Variants in PPP1R9A observed in about 807,000 individuals in gnomAD.
PPP1R9A encodes neurabin-1.
PPP1R9A carries 59 observed loss-of-function variants against 141.9 expected under a neutral mutation model. The observed-to-expected ratio is 0.42, with a 90% confidence interval of 0.34 to 0.52. The LOEUF is 0.52. PPP1R9A is among the 20% of genes least tolerant of loss of function. The pLI, the probability that PPP1R9A is intolerant of heterozygous loss-of-function variation, is 0.10. For synonymous variants in PPP1R9A, 500 were observed against 569.7 expected (o/e 0.88, Z 1.74); for missense variants, 1,444 against 1,611.9 (o/e 0.90, Z 1.78).
chr7:94,984,143 G>T (rs1327348097), intron 2 of PPP1R9A, among the ~76,000 whole-genome samples: 1 of 152,060 alleles, frequency 6.6e-6, no homozygotes, highest in Non-Finnish European at 1.5e-5. Context: ...TTATTGATTT[G>T]CGTATGTTGA....
intron 5 of PPP1R9A, among the ~76,000 whole-genome samples, chr7:95,189,732 G>A (rs150727153): frequency 0.013 from 1,951 of 152,066 alleles, 46 homozygotes; most frequent in African/African-American, 0.044. Context: ...CACCGCGCCC[G>A]GCCGGGTTTG....
At chr7:94,945,129 A>G (rs149620444) in intron 2 of PPP1R9A, among the ~76,000 whole-genome samples, 152 of 152,156 alleles carry the variant, frequency 1.0e-3, no homozygotes, top group Non-Finnish European at 1.9e-3. Context: ...TGATATATTC[A>G]TATATATGTA....
At chr7:95,120,124 CT>C (rs1410833535) in intron 3 of PPP1R9A, among the ~76,000 whole-genome samples, 2 of 151,448 alleles carry the variant, frequency 1.3e-5, no homozygotes, top group African/African-American at 4.8e-5. Context: ...ACCCGGCTAA[CT>C]TTTTGTATTT....
intron 4 of PPP1R9A, among the ~76,000 whole-genome samples, chr7:95,148,324 AAG>A (rs533385787): frequency 6.0e-4 from 92 of 152,290 alleles, no homozygotes; most frequent in African/African-American, 2.1e-3. Flanking sequence ...CTAAGAAAAA[AAG>A]AGAGATGACA....
intron 16 of PPP1R9A, among the ~76,000 whole-genome samples, chr7:95,275,460 T>C (rs1802994047): frequency 6.6e-6 from 1 of 151,776 alleles, no homozygotes; most frequent in South Asian, 2.1e-4. Flanking sequence ...ACTTTATTGA[T>C]GAAGAACTTT....
Position 95,042,512 on chromosome 7 carries a change from TAAAGTTGTACTTC to T in PPP1R9A, c.1396-68745_1396-68733del, listed in dbSNP as rs1403986440. 2.0e-5 allele frequency among the ~76,000 whole-genome samples: 3 copies of T among 152,352 alleles called. No homozygotes were observed. The East Asian group carries it at 5.8e-4, about 29-fold the overall frequency. ...ATCAAGTGAAAATACCAAATTTTGG[TAAAGTTGTACTTC>T]ATTTATGATGCCTTGAAAAATAAAC... On this transcript the variant is annotated intron_variant, in intron 2 of 19. Transcript: ENST00000433360.
At chr7:95,217,419 C>G (rs920538826) in intron 7 of PPP1R9A, among the ~76,000 whole-genome samples, 1 of 152,140 alleles carries the variant, frequency 6.6e-6, no homozygotes, top group Non-Finnish European at 1.5e-5. Flanking sequence ...GGATATTGGT[C>G]TAAAATTCTC....
chr7:95,218,350 T>G (rs542974395), intron 7 of PPP1R9A, among the ~76,000 whole-genome samples: 1 of 152,324 alleles, frequency 6.6e-6, no homozygotes, highest in African/African-American at 2.4e-5. Flanking sequence ...TTATAATTTC[T>G]GTTCTTTTCC....
chr7:95,179,917 G>T (rs1364892259), intron 5 of PPP1R9A, among the ~76,000 whole-genome samples: 3 of 152,102 alleles, frequency 2.0e-5, no homozygotes, highest in Non-Finnish European at 4.4e-5. Context: ...TCATTGATAG[G>T]TAGAATCAAT....
intron 2 of PPP1R9A, among the ~76,000 whole-genome samples, chr7:95,037,708 CGT>C (rs773441801): frequency 3.3e-4 from 50 of 151,900 alleles, no homozygotes; most frequent in Non-Finnish European, 6.0e-4. Flanking sequence ...TGCGTGCGCG[CGT>C]GTGTGTGTGC....
chr7:95,195,434 C>A (rs913191961), intron 5 of PPP1R9A, among the ~76,000 whole-genome samples: 1 of 150,788 alleles, frequency 6.6e-6, no homozygotes, highest in East Asian at 2.0e-4. Flanking sequence ...GTGCATGCCA[C>A]CACACCTGGC....
intron 2 of PPP1R9A, among the ~76,000 whole-genome samples, chr7:95,046,110 G>A (rs568041118): frequency 1.1e-3 from 155 of 144,302 alleles, no homozygotes; most frequent in Non-Finnish European, 1.7e-3. Flanking sequence ...ACAGAGTCTC[G>A]CTCTGCCGCC....
At chr7:95,170,530 A>C (rs148721935) in intron 5 of PPP1R9A, among the ~76,000 whole-genome samples, 4 of 151,776 alleles carry the variant, frequency 2.6e-5, no homozygotes, top group African/African-American at 9.6e-5. Context: ...ACCAAAGATG[A>C]GAATACAGTA....
At chr7:94,962,677 A>G (rs1368312565) in intron 2 of PPP1R9A, among the ~76,000 whole-genome samples, 1 of 152,162 alleles carries the variant, frequency 6.6e-6, no homozygotes, top group Admixed American at 6.5e-5. Context: ...TAAAAAATAC[A>G]TTGAAATGAT....
At chr7:94,967,860 G>A (rs1376426327) in intron 2 of PPP1R9A, among the ~76,000 whole-genome samples, 2 of 152,222 alleles carry the variant, frequency 1.3e-5, no homozygotes, top group African/African-American at 2.4e-5. Context: ...TAAGTGCAAT[G>A]TGGTTCTGAG....
chr7:95,189,432 T>C (rs796841370), intron 5 of PPP1R9A, among the ~76,000 whole-genome samples: 161 of 145,610 alleles, frequency 1.1e-3, no homozygotes, highest in African/African-American at 3.8e-3. Flanking sequence ...GTTTGTTTAT[T>C]CTTTTTTTTT....
At chr7:95,162,064 G>A in intron 5 of PPP1R9A, 93 bp downstream of exon 5, 1 of 728,922 alleles carries the variant, frequency 1.4e-6, no homozygotes, top group Non-Finnish European at 2.1e-6. Context: ...TAATTACAAT[G>A]ACAATTTTAC....
chr7:95,263,260 A>G (rs976221752), intron 12 of PPP1R9A, among the ~76,000 whole-genome samples: 2 of 152,246 alleles, frequency 1.3e-5, no homozygotes, highest in African/African-American at 4.8e-5. Context: ...TACGCAAGTA[A>G]TACATAAATG....
chr7:95,216,331 G>C (rs1225447815), intron 7 of PPP1R9A, among the ~76,000 whole-genome samples: 2 of 152,158 alleles, frequency 1.3e-5, no homozygotes, highest in Non-Finnish European at 2.9e-5. Flanking sequence ...CTATATGTCT[G>C]TTTTGGCACC....
Sources: gnomAD v4.1 joint callset for allele counts (sites outside exome capture counted in the v4.1 genomes callset) on GRCh38, gnomAD v4.1.1 for gene constraint, MANE v1.5 for transcripts, NCBI Gene and HGNC (gene_info 2026-07-23, HGNC 2026-07-21) for gene names.